Variants in HIPK2 observed in about 807,000 individuals in gnomAD.
The protein encoded by HIPK2 is homeodomain-interacting protein kinase 2.
Under a neutral mutation model 113.7 loss-of-function variants are expected in HIPK2, and 27 were observed. That is an observed-to-expected ratio of 0.24 (90% CI 0.17 to 0.33). HIPK2 has a LOEUF of 0.33. Among genes scored for constraint, HIPK2 ranks in the 10% least tolerant of loss-of-function variants. The probability of loss-of-function intolerance (pLI) is 1.00; values close to 1 mark genes in which losing one functional copy is unlikely to be tolerated. For missense variants in HIPK2, 1,257 were observed against 1,588.0 expected (o/e 0.79, Z 3.54); for synonymous variants, 631 against 642.2 (o/e 0.98, Z 0.26).
intron 2 of HIPK2, among the ~76,000 whole-genome samples, chr7:139,644,945 T>C (rs922076268): frequency 7.9e-5 from 12 of 152,258 alleles, no homozygotes; most frequent in Non-Finnish European, 1.5e-4. Context: ...GATGGATGCA[T>C]ACTAAGAAAG....
intron 2 of HIPK2, among the ~76,000 whole-genome samples, chr7:139,684,683 C>T (rs1178204879): frequency 6.6e-6 from 1 of 152,216 alleles, no homozygotes; most frequent in African/African-American, 2.4e-5. Flanking sequence ...CACCAATGCA[C>T]TCCAGCCTGG....
intron 2 of HIPK2, among the ~76,000 whole-genome samples, chr7:139,690,654 T>C (rs1794378785): frequency 6.6e-6 from 1 of 151,786 alleles, no homozygotes; most frequent in African/African-American, 2.4e-5. Context: ...CTACAAAAAA[T>C]AGAAATAAAT....
At chr7:139,712,166 GA>G (rs1329969143) in intron 2 of HIPK2, among the ~76,000 whole-genome samples, 1 of 152,182 alleles carries the variant, frequency 6.6e-6, no homozygotes, top group Admixed American at 6.5e-5. Flanking sequence ...TCAGACTCGA[GA>G]AAAAAACTTA....
chr7:139,595,722 G>A (rs763189819), intron 12 of HIPK2, among the ~76,000 whole-genome samples: 7 of 152,088 alleles, frequency 4.6e-5, no homozygotes, highest in Non-Finnish European at 8.8e-5. Context: ...TAATGAGAAT[G>A]TTTTCATCAG....
rs536489360 is a variant in HIPK2, at chr7:139,760,042, G to A, written c.19+17563C>T. The stretch of plus-strand genomic sequence containing the variant: ...TTCTGAGACAGAGTCTTGCTCTGTC[G>A]CCCAGGCTGGAGTGCAGTGGCGTGA... On this transcript the variant is annotated intron_variant, in intron 1 of 14. Coordinates refer to ENST00000406875, the MANE Select transcript of HIPK2 (RefSeq NM_022740.5). 2.3e-4 allele frequency among the ~76,000 whole-genome samples: 34 copies of A among 148,620 alleles called. 1 individual carries two copies. In the South Asian group the frequency reaches 5.3e-3, roughly 23 times the overall value.
At chr7:139,742,337 A>G (rs1358341619) in intron 1 of HIPK2, among the ~76,000 whole-genome samples, 1 of 152,224 alleles carries the variant, frequency 6.6e-6, no homozygotes, top group Non-Finnish European at 1.5e-5. Flanking sequence ...AAAAAGAAGA[A>G]AAAAATGAGG....
chr7:139,684,407 G>A (rs1426179824), intron 2 of HIPK2, among the ~76,000 whole-genome samples: 1 of 152,206 alleles, frequency 6.6e-6, no homozygotes, highest in Non-Finnish European at 1.5e-5. Context: ...TGAGCTTAGT[G>A]AGGAAGGTAT....
At chr7:139,643,381 TACACACACAC>T (rs61058916) in intron 2 of HIPK2, among the ~76,000 whole-genome samples, 4 of 148,236 alleles carry the variant, frequency 2.7e-5, no homozygotes, top group African/African-American at 9.9e-5. Context: ...ATGTACTAAA[TACACACACAC>T]ACACACACAC....
In HIPK2 at chr7:139,602,267, A is replaced by C. The variant is rs567848370; in HGVS notation, c.2256-1671T>G. Reference sequence around the variant, plus strand: ...TGCATCCGACCAAGAAACTGATATTATGGCTTCTTTATTTTGTTGTAGCTC... The same window carrying C: ...TGCATCCGACCAAGAAACTGATATTCTGGCTTCTTTATTTTGTTGTAGCTC... On this transcript the variant is annotated intron_variant, in intron 10 of 14. Transcript: ENST00000406875. Among the ~76,000 whole-genome samples, 11 of 152,124 alleles carry C rather than the reference A, an allele frequency of 7.2e-5. No individual in the cohort carries two copies. The East Asian group carries it at 2.1e-3, about 29-fold the overall frequency.
chr7:139,721,053 A>G (rs926639567), intron 1 of HIPK2, among the ~76,000 whole-genome samples: 1 of 152,194 alleles, frequency 6.6e-6, no homozygotes, highest in Admixed American at 6.5e-5. Flanking sequence ...ACATGGCTGG[A>G]AACACCCTGC....
intron 12 of HIPK2, 41 bp downstream of exon 12, chr7:139,596,672 ACCCT>A (rs1230760461): frequency 6.3e-7 from 1 of 1,592,536 alleles, no homozygotes; most frequent in Admixed American, 1.7e-5. Flanking sequence ...CACAATGCAA[ACCCT>A]CCCGGCTCCT....
chr7:139,579,467 G>A (rs1244698036), intron 13 of HIPK2, among the ~76,000 whole-genome samples: 2 of 152,146 alleles, frequency 1.3e-5, no homozygotes, highest in South Asian at 2.1e-4. Context: ...GCATGGAAAC[G>A]ACCAGGCCCT....
Position 139,591,542 on chromosome 7 carries a change from G to C in HIPK2, c.2717+5175C>G, listed in dbSNP as rs144090878. 2.0e-5 allele frequency among the ~76,000 whole-genome samples: 3 copies of C among 152,308 alleles called. No individual in the cohort carries two copies. In the East Asian group the frequency reaches 5.8e-4, roughly 29 times the overall value. Reference sequence around the variant, plus strand: ...CAAACCAGGAAGCTGTGGCATATCAGTGACAGCTTTGTAATGTGACAGCAG... The same window carrying C: ...CAAACCAGGAAGCTGTGGCATATCACTGACAGCTTTGTAATGTGACAGCAG... On this transcript the variant is annotated intron_variant, in intron 12 of 14. Transcript: ENST00000406875.
chr7:139,634,726 G>A (rs1585306209), intron 2 of HIPK2, among the ~76,000 whole-genome samples: 1 of 133,178 alleles, frequency 7.5e-6, no homozygotes, highest in East Asian at 2.1e-4. Flanking sequence ...TGCCCAGCCT[G>A]GAGTGCAGTG....
chr7:139,580,078 T>C (rs976700796), intron 13 of HIPK2, among the ~76,000 whole-genome samples: 1 of 152,164 alleles, frequency 6.6e-6, no homozygotes, highest in East Asian at 1.9e-4. Flanking sequence ...GCTGCAAACA[T>C]TGGCTCTGCA....
chr7:139,702,014 C>T (rs1168764002), intron 2 of HIPK2, among the ~76,000 whole-genome samples: 3 of 152,080 alleles, frequency 2.0e-5, no homozygotes, highest in South Asian at 2.1e-4. Flanking sequence ...GGGATCTGGA[C>T]GTGGGAGCCA....
At chr7:139,626,238 GATTAC>G (rs572587965) in intron 6 of HIPK2, among the ~76,000 whole-genome samples, 4 of 151,998 alleles carry the variant, frequency 2.6e-5, no homozygotes, top group Non-Finnish European at 5.9e-5. Flanking sequence ...AAATAGCTGG[GATTAC>G]AGGTGCGCCC....
chr7:139,634,217 G>A (rs1305560309), intron 2 of HIPK2, among the ~76,000 whole-genome samples: 1 of 152,184 alleles, frequency 6.6e-6, no homozygotes, highest in Non-Finnish European at 1.5e-5. Context: ...CTGGGCAGCA[G>A]AAGGAGTGAC....
chr7:139,701,284 T>C (rs932543496), intron 2 of HIPK2, among the ~76,000 whole-genome samples: 3 of 152,062 alleles, frequency 2.0e-5, no homozygotes, highest in Non-Finnish European at 4.4e-5. Context: ...CACAAACAGA[T>C]AGCGGGAGGA....
Sources: gnomAD v4.1 joint callset for allele counts (sites outside exome capture counted in the v4.1 genomes callset) on GRCh38, gnomAD v4.1.1 for gene constraint, MANE v1.5 for transcripts, NCBI Gene and HGNC (gene_info 2026-07-23, HGNC 2026-07-21) for gene names.